SPATS2L: variants seen among roughly 807,000 people sequenced by gnomAD.
SPATS2L encodes spermatogenesis associated serine rich 2 like, also known as SPATS2-like protein.
SPATS2L carries 30 observed loss-of-function variants against 59.6 expected under a neutral mutation model. The ratio of observed to expected loss-of-function variants is 0.50; its 90% CI spans 0.38 to 0.68. The LOEUF is 0.68. SPATS2L is among the 30% of genes least tolerant of loss of function. The probability of loss-of-function intolerance (pLI) is 0.00; values close to 1 mark genes in which losing one functional copy is unlikely to be tolerated. For synonymous variants in SPATS2L, 252 were observed against 263.5 expected, an observed-to-expected ratio of 0.96 and a Z score of 0.42; for missense variants, 615 against 700.0, an observed-to-expected ratio of 0.88 and a Z score of 1.37.
chr2:200,429,187 G>A (rs1319334641), intron 6 of SPATS2L, among the ~76,000 whole-genome samples: 2 of 152,106 alleles, frequency 1.3e-5, no homozygotes, highest in African/African-American at 4.8e-5. Context: ...ATGTGTATCA[G>A]TCAAGATCAA....
chr2:200,357,739 G>A (rs1343846738), intron 2 of SPATS2L, among the ~76,000 whole-genome samples: 2 of 151,922 alleles, frequency 1.3e-5, no homozygotes, highest in African/African-American at 4.8e-5. Context: ...AGATCAATCT[G>A]CATTCAAGTA....
chr2:200,475,990 C>A (rs975051928), intron 12 of SPATS2L, among the ~76,000 whole-genome samples: 1 of 152,154 alleles, frequency 6.6e-6, no homozygotes, highest in Admixed American at 6.5e-5. Flanking sequence ...TAAAACGAAG[C>A]ACATAATAGC....
chr2:200,430,008 T>C (rs899872238), intron 6 of SPATS2L, among the ~76,000 whole-genome samples: 7 of 152,316 alleles, frequency 4.6e-5, no homozygotes, highest in African/African-American at 1.7e-4. Flanking sequence ...TCTTTCTTGA[T>C]ATCCCCAGGT....
chr2:200,421,407 A>T (rs1185737745), intron 6 of SPATS2L, among the ~76,000 whole-genome samples: 1 of 152,208 alleles, frequency 6.6e-6, no homozygotes, highest in East Asian at 1.9e-4. Context: ...TGAGTAAGAC[A>T]CATCCATGCC....
At chr2:200,430,466 C>G (rs904907335) in intron 6 of SPATS2L, among the ~76,000 whole-genome samples, 3 of 151,562 alleles carry the variant, frequency 2.0e-5, no homozygotes, top group Non-Finnish European at 2.9e-5. Context: ...TCCTGCCCCC[C>G]AGAAACAACC....
At chr2:200,403,764 G>A (rs1574408196) in intron 3 of SPATS2L, among the ~76,000 whole-genome samples, 1 of 152,122 alleles carries the variant, frequency 6.6e-6, no homozygotes, top group Non-Finnish European at 1.5e-5. Context: ...AAGCCATGCC[G>A]ATCGGCACCG....
At chr2:200,419,198 T>C in intron 5 of SPATS2L, 52 bp from the exon 6 acceptor site, 1 of 1,492,720 alleles carries the variant, frequency 6.7e-7, no homozygotes, top group Non-Finnish European at 9.0e-7. Flanking sequence ...ATTCACCTTA[T>C]ATTTCAAGAG....
At chr2:200,473,098 ACCTGTTTCCAGAGGAAG>A in intron 12 of SPATS2L, 46 bp downstream of exon 12, 1 of 1,453,640 alleles carries the variant, frequency 6.9e-7, no homozygotes. Context: ...AAAAAAAAAA[ACCTGTTTCCAGAGGAAG>A]AAAACAGCAA....
chr2:200,435,262 A>C (rs1343271220), intron 6 of SPATS2L, among the ~76,000 whole-genome samples: 1 of 152,144 alleles, frequency 6.6e-6, no homozygotes, highest in Non-Finnish European at 1.5e-5. Context: ...TATATACAAA[A>C]TTGGGATTTG....
intron 2 of SPATS2L, among the ~76,000 whole-genome samples, chr2:200,368,240 G>A (rs1363038839): frequency 6.6e-6 from 1 of 152,188 alleles, no homozygotes; most frequent in Non-Finnish European, 1.5e-5. Context: ...CAGTGTCCAG[G>A]AGAGTTCCTC....
chr2:200,308,816 C>A, intron 1 of SPATS2L: 1 of 438,578 alleles, frequency 2.3e-6, no homozygotes, highest in Non-Finnish European at 4.0e-6. Context: ...TTCTAAGAAT[C>A]AACTTAGTTT....
chr2:200,479,415 T>A lies in SPATS2L; in HGVS notation c.*1384T>A, dbSNP rs1260068791. 3 of 397,344 alleles carry A rather than the reference T, an allele frequency of 7.6e-6. No individual in the cohort carries two copies. Among genetic ancestry groups the A allele is most frequent in the African/African-American group, 2.1e-5 (1 of 48,598 alleles). 24.6% of individuals were successfully genotyped at this position (397,344 alleles called of 1,614,324 possible). A position where few individuals can be genotyped will look rare whatever the true frequency, so the allele number is the denominator to read the frequency against. On this transcript the variant is annotated 3_prime_UTR_variant, in exon 13 of 13. Coordinates refer to ENST00000409140, the MANE Select transcript of SPATS2L (RefSeq NM_001100423.2). ...TTGCATACCATTGCTGGTAGGCCTG[T>A]CTCTTAAACCAATCATGAAAGGGGG...
At chr2:200,448,800 G>A (rs1323511882) in intron 8 of SPATS2L, among the ~76,000 whole-genome samples, 1 of 152,156 alleles carries the variant, frequency 6.6e-6, no homozygotes, top group Non-Finnish European at 1.5e-5. Context: ...AGAGAGTATG[G>A]GGATGAACAT....
At chr2:200,378,180 C>T (rs1238495877) in intron 2 of SPATS2L, 18 of 994,862 alleles carry the variant, frequency 1.8e-5, no homozygotes, top group East Asian at 1.1e-4. Flanking sequence ...TACTCAGCCA[C>T]GCCCAAGATC....
At chr2:200,329,654 TG>T (rs906658633) in intron 2 of SPATS2L, among the ~76,000 whole-genome samples, 174 bp downstream of exon 2, 2 of 152,126 alleles carry the variant, frequency 1.3e-5, no homozygotes, top group Admixed American at 1.3e-4. Flanking sequence ...AAGTTATTCC[TG>T]ATAGGGCAGT....
At chr2:200,459,255 T>G (rs13382768) in intron 8 of SPATS2L, among the ~76,000 whole-genome samples, 5,098 of 152,228 alleles carry the variant, frequency 0.033, 270 homozygotes, top group African/African-American at 0.12. Context: ...CAGAGACTTA[T>G]GTTGTTGAGC....
intron 9 of SPATS2L, among the ~76,000 whole-genome samples, chr2:200,460,585 G>A (rs944416510): frequency 2.0e-5 from 3 of 151,386 alleles, no homozygotes; most frequent in Non-Finnish European, 2.9e-5. Context: ...CTCTACTAAA[G>A]ATACAAAAAT....
At chr2:200,313,533 G>A (rs1028232545) in intron 1 of SPATS2L, among the ~76,000 whole-genome samples, 2 of 151,814 alleles carry the variant, frequency 1.3e-5, no homozygotes, top group Non-Finnish European at 2.9e-5. Flanking sequence ...GCTTCCTCAG[G>A]GACCTTGCTT....
intron 3 of SPATS2L, among the ~76,000 whole-genome samples, chr2:200,398,048 C>CG (rs2082411462): frequency 6.6e-6 from 1 of 152,124 alleles, no homozygotes; most frequent in Non-Finnish European, 1.5e-5. Context: ...TATTGAATTT[C>CG]GGCAGGCTGA....
Sources: allele counts gnomAD v4.1 joint callset (sites outside exome capture counted in the v4.1 genomes callset), GRCh38; gene constraint gnomAD v4.1.1; transcripts MANE v1.5; gene names NCBI Gene and HGNC (gene_info 2026-07-23, HGNC 2026-07-21).